The following DNAAF4 variants were observed in gnomAD, a reference collection of about 807,000 sequenced individuals.
DNAAF4 encodes dynein axonemal assembly factor 4, also known as dynein assembly factor 4, axonemal.
A neutral mutation model predicts 51.8 loss-of-function variants in DNAAF4; 43 were observed. The ratio of observed to expected loss-of-function variants is 0.83; its 90% confidence interval spans 0.65 to 1.07. The LOEUF is 1.07. DNAAF4 is among the 50% of genes least tolerant of loss of function. The probability of loss-of-function intolerance (pLI) is 0.00; values close to 1 mark genes in which losing one functional copy is unlikely to be tolerated. For synonymous variants in DNAAF4, 194 were observed against 165.6 expected (o/e 1.17, Z -1.32); for missense variants, 581 against 493.0 (o/e 1.18, Z -1.69).
chr15:55,503,011 A>G (rs1239218567), intron 1 of DNAAF4, among the ~76,000 whole-genome samples: 1 of 152,184 alleles, frequency 6.6e-6, no homozygotes, highest in African/African-American at 2.4e-5. Flanking sequence ...AGATCAACAA[A>G]ATTGATAGAC....
intron 4 of DNAAF4, among the ~76,000 whole-genome samples, chr15:55,478,838 C>A (rs1053273819): frequency 6.6e-6 from 1 of 152,150 alleles, no homozygotes; most frequent in Non-Finnish European, 1.5e-5. Flanking sequence ...GCACACAGAA[C>A]TAAAATTCCA....
At chr15:55,476,295 C>G (rs905368580) in intron 4 of DNAAF4, among the ~76,000 whole-genome samples, 4 of 151,928 alleles carry the variant, frequency 2.6e-5, no homozygotes, top group Non-Finnish European at 5.9e-5. Context: ...CAGAGTATCC[C>G]CATCTTTACT....
intron 5 of DNAAF4, among the ~76,000 whole-genome samples, chr15:55,453,548 CTTT>C (rs1228330492): frequency 2.6e-5 from 3 of 115,662 alleles, no homozygotes; most frequent in Non-Finnish European, 1.8e-5. Flanking sequence ...AAAAACAGTT[CTTT>C]TTTTTTTTTT....
At chr15:55,488,824 C>T (rs1419989023) in intron 4 of DNAAF4, among the ~76,000 whole-genome samples, 2 of 152,162 alleles carry the variant, frequency 1.3e-5, no homozygotes, top group African/African-American at 4.8e-5. Flanking sequence ...TGCGGCAGCT[C>T]ACACCTGTAA....
At chr15:55,496,054 C>A (rs2058636671) in intron 3 of DNAAF4, among the ~76,000 whole-genome samples, 1 of 152,162 alleles carries the variant, frequency 6.6e-6, no homozygotes, top group Non-Finnish European at 1.5e-5. Flanking sequence ...TATAGTGAAA[C>A]CTTGTCTCTA....
chr15:55,458,845 G>A (rs983911476), intron 5 of DNAAF4, among the ~76,000 whole-genome samples: 5 of 152,166 alleles, frequency 3.3e-5, no homozygotes, highest in South Asian at 4.2e-4. Context: ...AGGCCAAGGC[G>A]GGTGGATCAC....
chr15:55,427,325 C>T (rs1465588257), downstream of DNAAF4, among the ~76,000 whole-genome samples: 1 of 152,198 alleles, frequency 6.6e-6, no homozygotes, highest in African/African-American at 2.4e-5. Context: ...CTAAGCCTCC[C>T]AAAGTGCTGG....
intron 1 of DNAAF4, among the ~76,000 whole-genome samples, chr15:55,502,938 G>A (rs1194307343): frequency 6.6e-6 from 1 of 151,920 alleles, no homozygotes; most frequent in Non-Finnish European, 1.5e-5. Context: ...AAGAACTGAA[G>A]GAGATAGAGA....
downstream of DNAAF4, among the ~76,000 whole-genome samples, chr15:55,427,925 G>A (rs1056908016): frequency 7.0e-6 from 1 of 143,832 alleles, no homozygotes; most frequent in Admixed American, 7.0e-5. Context: ...ATGAGCCACC[G>A]CGCCTGGCCT....
At position 55,473,295 on chromosome 15, in the gene DNAAF4, G is replaced by GTGTGTATATATA. The variant is rs1280532669; in HGVS notation, c.406-6135_406-6134insTATATATACACA. Among the ~76,000 whole-genome samples the GTGTGTATATATA allele has an allele frequency of 5.3e-4, 68 of 128,922 alleles. 2 individuals are homozygous for GTGTGTATATATA. The highest frequency in any genetic ancestry group is 4.2e-3 in the Middle Eastern group (1 of 238). 84.6% of individuals were successfully genotyped at this position (128,922 alleles called of 152,430 possible). The stretch of plus-strand genomic sequence containing the variant: ...TGTGTATATATATGTGTATATATAT[G>GTGTGTATATATA]TGTATATATATGTGTGTATATATGT... On this transcript the variant is annotated intron_variant, in intron 4 of 9. Transcript: ENST00000321149.
Position 55,447,007 on chromosome 15 carries a change from C to T in DNAAF4, c.783+3215G>A, listed in dbSNP as rs562299813. ...CCCAGACGGGGCAGCTGGGCAGAGG[C>T]GCTCTCCACTTCCCAGACGGGGCAG... On this transcript the variant is annotated intron_variant, in intron 6 of 9. Coordinates refer to ENST00000321149, the MANE Select transcript of DNAAF4 (RefSeq NM_130810.4). Among the ~76,000 whole-genome samples the T allele has an allele frequency of 4.4e-5, 6 of 137,038 alleles. No homozygotes were observed. In the South Asian group the frequency reaches 7.4e-4, roughly 17 times the overall value. 89.9% of individuals were successfully genotyped at this position (137,038 alleles called of 152,430 possible). A position where few individuals can be genotyped will look rare whatever the true frequency, so the allele number is the denominator to read the frequency against.
At chr15:55,469,329 C>CAA (rs542339665) in intron 4 of DNAAF4, among the ~76,000 whole-genome samples, 2 of 133,658 alleles carry the variant, frequency 1.5e-5, no homozygotes, top group South Asian at 2.4e-4. Context: ...AGGCTCCTCT[C>CAA]AAAAAAAAAA....
At chr15:55,502,876 G>C (rs2058706976) in intron 1 of DNAAF4, among the ~76,000 whole-genome samples, 5 of 151,984 alleles carry the variant, frequency 3.3e-5, no homozygotes, top group African/African-American at 9.7e-5. Flanking sequence ...AGAGAAGCAA[G>C]AGCAAACACA....
At chr15:55,418,985 T>G (rs559115798) in intron 7 of DNAAF4, among the ~76,000 whole-genome samples, 206 of 149,416 alleles carry the variant, frequency 1.4e-3, no homozygotes, top group Non-Finnish European at 2.6e-3. Context: ...AGTGCAGTGG[T>G]TGCTCACTGC....
chr15:55,466,981 T>A lies in DNAAF4; in HGVS notation c.586A>T (p.Lys196Ter). The change falls in exon 5 of 10, where the codon AAA (lysine) becomes TAA (stop). Residue 196 changes from lysine to a stop codon, truncating the protein, a stop_gained. Coordinates refer to ENST00000321149, the MANE Select transcript of DNAAF4 (RefSeq NM_130810.4). LOFTEE classifies it high-confidence loss of function. Reference sequence around the variant, plus strand: ...AAATTTCTAGTAAGACTCTTATATTTTATTTTTTTTCTTTCTTCTTTAATT... The same window carrying A: ...AAATTTCTAGTAAGACTCTTATATTATATTTTTTTTCTTTCTTCTTTAATT... ...KQIKEERKKI[K>*]YKSLTRNLAS... 6.3e-7 allele frequency: 1 copy of A among 1,584,620 alleles called. No individual in the cohort carries two copies. Among genetic ancestry groups the A allele is most frequent in the Non-Finnish European group, 8.5e-7 (1 of 1,170,914 alleles).
chr15:55,425,899 G>A (rs2057426899), downstream of DNAAF4, among the ~76,000 whole-genome samples: 1 of 152,170 alleles, frequency 6.6e-6, no homozygotes, highest in African/African-American at 2.4e-5. Flanking sequence ...CTGCTGCCTA[G>A]ACAGAGCCAA....
intron 5 of DNAAF4, among the ~76,000 whole-genome samples, chr15:55,463,103 G>A (rs1289059517): frequency 1.3e-5 from 2 of 151,830 alleles, no homozygotes; most frequent in Non-Finnish European, 1.5e-5. Flanking sequence ...GAATTTGGGA[G>A]GCAGAGGTTG....
At chr15:55,447,576 G>A (rs983012286) in intron 6 of DNAAF4, among the ~76,000 whole-genome samples, 1 of 151,382 alleles carries the variant, frequency 6.6e-6, no homozygotes, top group African/African-American at 2.4e-5. Context: ...TCAGGAGCTG[G>A]AGACCAGCCG....
Position 55,447,806 on chromosome 15 carries a change from G to A in DNAAF4, c.783+2416C>T, listed in dbSNP as rs1389185526. 2.6e-3 allele frequency among the ~76,000 whole-genome samples: 318 copies of A among 124,384 alleles called. 5 individuals are homozygous for A. The highest frequency in any genetic ancestry group is 9.4e-3 in the African/African-American group (308 of 32,844). 81.6% of individuals were successfully genotyped at this position (124,384 alleles called of 152,430 possible). A position where few individuals can be genotyped will look rare whatever the true frequency, so the allele number is the denominator to read the frequency against. On this transcript the variant is annotated intron_variant, in intron 6 of 9. Transcript: ENST00000321149. ...AGAGGGGAGAGGGGAGAGGGGAGAG[G>A]GCAGAGGGGAGAGGGGAGAGGGCAG... is the stretch of plus-strand genomic sequence containing the variant.
Sources: allele counts gnomAD v4.1 joint callset (sites outside exome capture counted in the v4.1 genomes callset), GRCh38; gene constraint gnomAD v4.1.1; transcripts MANE v1.5; gene names NCBI Gene and HGNC (gene_info 2026-07-23, HGNC 2026-07-21).